SPART: variants seen among roughly 807,000 people sequenced by gnomAD.
SPART encodes the protein spastic paraplegia 20 (Troyer syndrome).
A neutral mutation model predicts 58.7 loss-of-function variants in SPART; 35 were observed. That is an observed-to-expected ratio of 0.60 (90% CI 0.46 to 0.79). The LOEUF is 0.79. SPART is among the 30% of genes least tolerant of loss of function. The pLI is 0.00. For missense variants in SPART, 730 were observed against 786.1 expected (o/e 0.93, Z 0.85); for synonymous variants, 284 against 280.7 (o/e 1.01, Z -0.12).
chr13:36,304,754 G>T, intron 8 of SPART, 122 bp from the exon 9 acceptor site: 1 of 1,021,434 alleles, frequency 9.8e-7, no homozygotes, highest in Non-Finnish European at 1.4e-6. Flanking sequence ...TTAAAGCTTA[G>T]GTTTCAATTT....
At chr13:36,336,710 A>G (rs1186956851) in intron 1 of SPART, among the ~76,000 whole-genome samples, 1 of 152,252 alleles carries the variant, frequency 6.6e-6, no homozygotes, top group Non-Finnish European at 1.5e-5. Context: ...AAATGGATGC[A>G]TGTGCATGCC....
At chr13:36,363,701 A>C (rs1227842158) in intron 1 of SPART, among the ~76,000 whole-genome samples, 1 of 152,124 alleles carries the variant, frequency 6.6e-6, no homozygotes, top group Non-Finnish European at 1.5e-5. Flanking sequence ...ACACCGAATC[A>C]GCTCTGCCAA....
chr13:36,317,629 G>T (rs1486725628), intron 5 of SPART, among the ~76,000 whole-genome samples: 6 of 151,668 alleles, frequency 4.0e-5, no homozygotes, highest in African/African-American at 1.2e-4. Flanking sequence ...TTTCTGGAAG[G>T]TAAGAACCCC....
rs1329912615 is a variant in SPART at position 36,303,964 on chromosome 13, A to G, written c.*401T>C. 1 of 184,272 alleles carries G rather than the reference A, an allele frequency of 5.4e-6. No individual in the cohort carries two copies. The highest frequency in any genetic ancestry group is 1.5e-4 in the East Asian group (1 of 6,678). The allele number at this position is 184,272 out of a possible 1,614,324, so 11.4% of individuals were successfully genotyped here. A position where few individuals can be genotyped will look rare whatever the true frequency, so the allele number is the denominator to read the frequency against. On this transcript the variant is annotated 3_prime_UTR_variant, in exon 9 of 9. Coordinates refer to ENST00000438666, the MANE Select transcript of SPART (RefSeq NM_015087.5). ...CAATACTTTAAGTCATTCCTTCTAT[A>G]AAAAGAATTAAGGTTACTAAATGCC...
At chr13:36,347,161 A>G (rs1246259640), upstream of SPART, among the ~76,000 whole-genome samples, 1 of 151,902 alleles carries the variant, frequency 6.6e-6, no homozygotes, top group African/African-American at 2.4e-5. Flanking sequence ...AAAAAACAGA[A>G]AAAAGAAAAA....
At chr13:36,354,332 G>T (rs1885536993) in intron 1 of SPART, among the ~76,000 whole-genome samples, 1 of 152,180 alleles carries the variant, frequency 6.6e-6, no homozygotes, top group Non-Finnish European at 1.5e-5. Context: ...ACCCTGCACT[G>T]TTCCAAGAAA....
rs146163994 is a variant in SPART, at chr13:36,331,480, G to A, written c.927C>T (p.Val309=). 78 of 1,613,910 alleles carry A rather than the reference G, an allele frequency of 4.8e-5. No individual in the cohort carries two copies. Among genetic ancestry groups the A allele is most frequent in the Non-Finnish European group, 5.8e-5 (69 of 1,179,954 alleles). The change falls in exon 3 of 9, where the codon GTC becomes GTT. Residue 309 remains valine, a synonymous_variant. Coordinates refer to ENST00000438666, the MANE Select transcript of SPART (RefSeq NM_015087.5). The stretch of plus-strand genomic sequence containing the variant: ...CCTCTGGTAACTCAGAGGACAGGAC[G>A]ACCCCCACAAAGCATCCTGCTGCTT... ...MLQAAGCFVG[V]VLSSELPEDD... is the part of the protein sequence containing the mutation.
chr13:36,336,707 T>G (rs905300665), intron 1 of SPART, among the ~76,000 whole-genome samples: 2 of 152,184 alleles, frequency 1.3e-5, no homozygotes, highest in African/African-American at 4.8e-5. Context: ...GAGAAATGGA[T>G]GCATGTGCAT....
intron 6 of SPART, chr13:36,313,897 T>C (rs1229918202): frequency 1.2e-5 from 4 of 327,242 alleles, no homozygotes; most frequent in Non-Finnish European, 2.3e-5. Context: ...GATACACACA[T>C]TCTCCTCTCC....
chr13:36,313,704 G>C (rs1881368432), intron 6 of SPART, among the ~76,000 whole-genome samples: 1 of 152,140 alleles, frequency 6.6e-6, no homozygotes, highest in South Asian at 2.1e-4. Flanking sequence ...ATGGTGTATA[G>C]GTTTGTACTT....
chr13:36,333,245 C>T (rs769624295), intron 2 of SPART, among the ~76,000 whole-genome samples: 3 of 151,962 alleles, frequency 2.0e-5, no homozygotes, highest in Non-Finnish European at 4.4e-5. Context: ...ATAGATTTAA[C>T]AGGTTTAAAA....
chr13:36,310,875 C>T (rs1881018781), intron 8 of SPART, among the ~76,000 whole-genome samples: 1 of 152,156 alleles, frequency 6.6e-6, no homozygotes, highest in African/African-American at 2.4e-5. Context: ...CCTCGCCCCA[C>T]CCACTGGTTG....
rs528726281 is a variant in SPART at position 36,318,168 on chromosome 13, C to T, written c.1289-3747G>A. 9.9e-5 allele frequency among the ~76,000 whole-genome samples: 15 copies of T among 152,234 alleles called. No homozygotes were observed. In the South Asian group the frequency reaches 3.1e-3, roughly 32 times the overall value. ...GGTCCCAATTCTTCCTCAGCCTCTG[C>T]TACTCCACCCTATAATCTTTTTATC... On this transcript the variant is annotated intron_variant, in intron 5 of 8. Coordinates refer to ENST00000438666, the MANE Select transcript of SPART (RefSeq NM_015087.5).
intron 8 of SPART, among the ~76,000 whole-genome samples, chr13:36,306,380 C>T (rs575112281): frequency 2.2e-4 from 34 of 152,062 alleles, no homozygotes; most frequent in African/African-American, 8.2e-4. Flanking sequence ...AGTTTCAGCA[C>T]TGAAAAACAG....
At chr13:36,354,225 A>G (rs1352609876) in intron 1 of SPART, among the ~76,000 whole-genome samples, 1 of 152,156 alleles carries the variant, frequency 6.6e-6, no homozygotes, top group Non-Finnish European at 1.5e-5. Context: ...TTTTTTCTAC[A>G]TCATAAGATG....
chr13:36,331,955 GTAAA>G (rs1433210257), intron 2 of SPART, among the ~76,000 whole-genome samples: 1 of 152,070 alleles, frequency 6.6e-6, no homozygotes, highest in Non-Finnish European at 1.5e-5. Flanking sequence ...TCCTTTTGTG[GTAAA>G]TAAACTATTT....
In SPART at chr13:36,311,021, C is replaced by T. The variant is rs567553928; in HGVS notation, c.1733+1124G>A. The stretch of plus-strand genomic sequence containing the variant: ...CCTTCTCTGTGTGTCACCTGACCAA[C>T]ACACCCAAACCTTGCTCTCCTCCTA... On this transcript the variant is annotated intron_variant, in intron 8 of 8. Coordinates refer to ENST00000438666, the MANE Select transcript of SPART (RefSeq NM_015087.5). 2.3e-3 allele frequency among the ~76,000 whole-genome samples: 349 copies of T among 152,306 alleles called. 1 individual carries two copies. Among genetic ancestry groups the T allele is most frequent in the Middle Eastern group, 0.01 (3 of 294 alleles).
intron 1 of SPART, among the ~76,000 whole-genome samples, chr13:36,340,621 G>T (rs970130816): frequency 6.6e-6 from 1 of 152,104 alleles, no homozygotes; most frequent in South Asian, 2.1e-4. Flanking sequence ...TCTTCTGTTT[G>T]CTGGGTACCA....
chr13:36,339,026 C>T (rs571395130), intron 1 of SPART, among the ~76,000 whole-genome samples: 1 of 151,700 alleles, frequency 6.6e-6, no homozygotes, highest in South Asian at 2.1e-4. Context: ...AGGCAAACAT[C>T]CAGTATAAAG....
Sources: allele counts gnomAD v4.1 joint callset (sites outside exome capture counted in the v4.1 genomes callset), GRCh38; gene constraint gnomAD v4.1.1; transcripts MANE v1.5; gene names NCBI Gene and HGNC (gene_info 2026-07-23, HGNC 2026-07-21).